Variants in DIP2B observed in about 807,000 individuals in gnomAD.
The protein encoded by DIP2B is disco-interacting protein 2 homolog B.
In DIP2B, 76 loss-of-function variants were observed where a neutral mutation model predicts 198.0. That is an observed-to-expected ratio of 0.38 (90% CI 0.32 to 0.46). The LOEUF is 0.46. Ranked by LOEUF, DIP2B falls within the 20% of genes least tolerant of loss-of-function variation. The probability of loss-of-function intolerance (pLI) is 0.99; values close to 1 mark genes in which losing one functional copy is unlikely to be tolerated. For synonymous variants in DIP2B, 701 were observed against 739.1 expected (o/e 0.95, Z 0.84); for missense variants, 1,559 against 1,978.4 (o/e 0.79, Z 4.02).
intron 1 of DIP2B, among the ~76,000 whole-genome samples, chr12:50,585,639 TAGAC>T (rs772050684): frequency 6.6e-6 from 1 of 152,136 alleles, no homozygotes; most frequent in Non-Finnish European, 1.5e-5. Context: ...GGCTGAGAAG[TAGAC>T]AGGAGTCAGA....
At position 50,706,669 on chromosome 12, in the gene DIP2B, A is replaced by T; in HGVS notation, c.2534+4A>T. ...TAAAGACTGTTTATAGAGGAAGGTGAGTAGTACAAAATTCAAATGTTAGCA... is the reference window on the plus strand; with the variant it reads ...TAAAGACTGTTTATAGAGGAAGGTGTGTAGTACAAAATTCAAATGTTAGCA... On this transcript the variant is annotated splice_donor_region_variant and intron_variant, in intron 21 of 37. Transcript: ENST00000301180. 6.2e-7 allele frequency: 1 copy of T among 1,613,780 alleles called. No homozygotes were observed. Among genetic ancestry groups the T allele is most frequent in the Non-Finnish European group, 8.5e-7 (1 of 1,179,844 alleles).
intron 1 of DIP2B, among the ~76,000 whole-genome samples, chr12:50,541,016 A>T (rs1418134607): frequency 6.6e-6 from 1 of 152,150 alleles, no homozygotes; most frequent in Non-Finnish European, 1.5e-5. Context: ...TCTTCAATGC[A>T]CTTAGTTTTA....
intron 14 of DIP2B, among the ~76,000 whole-genome samples, chr12:50,694,622 C>T (rs1939277304): frequency 6.6e-6 from 1 of 150,858 alleles, no homozygotes; most frequent in South Asian, 2.1e-4. Flanking sequence ...GAATTGGAGG[C>T]CAGCCTGGGC....
intron 1 of DIP2B, among the ~76,000 whole-genome samples, chr12:50,511,926 A>G (rs1472193378): frequency 1.4e-5 from 2 of 143,040 alleles, no homozygotes; most frequent in Non-Finnish European, 3.1e-5. Flanking sequence ...CCAGCCTGGC[A>G]ACAGAGCAAG....
chr12:50,680,652 T>G lies in DIP2B; in HGVS notation c.1115-20T>G, dbSNP rs761259971. The G allele has an allele frequency of 3.7e-6, 6 of 1,607,028 alleles. No homozygotes were observed. The highest frequency in any genetic ancestry group is 1.1e-5 in the South Asian group (1 of 88,902). ...TTTTTTTTTCTATATGACTGTTGTT[T>G]TTTTTTCCTTTTTTTCCAGGAAAGT... On this transcript the variant is annotated intron_variant, in intron 8 of 37. Transcript: ENST00000301180.
At chr12:50,553,371 C>T (rs1958443402) in intron 1 of DIP2B, among the ~76,000 whole-genome samples, 1 of 152,182 alleles carries the variant, frequency 6.6e-6, no homozygotes, top group Non-Finnish European at 1.5e-5. Flanking sequence ...GTTTTGCTGA[C>T]TGTTGTATCC....
At chr12:50,666,335 C>T (rs967161132) in intron 4 of DIP2B, among the ~76,000 whole-genome samples, 5 of 152,142 alleles carry the variant, frequency 3.3e-5, no homozygotes, top group Non-Finnish European at 5.9e-5. Flanking sequence ...TTTTCTACCC[C>T]ATTTTACAGA....
chr12:50,601,937 T>TA (rs1379317662), intron 1 of DIP2B, among the ~76,000 whole-genome samples: 1 of 152,210 alleles, frequency 6.6e-6, no homozygotes, highest in Non-Finnish European at 1.5e-5. Flanking sequence ...CTGGTGTGCA[T>TA]AGTTATTGCT....
chr12:50,717,220 C>T (rs1249260725), intron 23 of DIP2B, among the ~76,000 whole-genome samples: 2 of 151,676 alleles, frequency 1.3e-5, no homozygotes, highest in African/African-American at 2.4e-5. Context: ...GGTAGGATTA[C>T]AGGAGCAAGC....
intron 4 of DIP2B, among the ~76,000 whole-genome samples, chr12:50,663,715 A>T (rs1938696353): frequency 6.6e-6 from 1 of 151,436 alleles, no homozygotes; most frequent in African/African-American, 2.4e-5. Flanking sequence ...ACAAAAAATT[A>T]AAAAGTTAGC....
chr12:50,696,790 T>C (rs1939320432), intron 16 of DIP2B, among the ~76,000 whole-genome samples: 1 of 152,238 alleles, frequency 6.6e-6, no homozygotes, highest in South Asian at 2.1e-4. Context: ...TTATCTCTGA[T>C]ACTGATTTGT....
At chr12:50,607,458 C>T (rs1167866322) in intron 1 of DIP2B, among the ~76,000 whole-genome samples, 1 of 152,146 alleles carries the variant, frequency 6.6e-6, no homozygotes, top group Non-Finnish European at 1.5e-5. Flanking sequence ...TGAAGATAAT[C>T]TCATTACTTA....
chr12:50,678,704 C>T lies in DIP2B; in HGVS notation c.942C>T (p.Pro314=). 1.2e-6 allele frequency: 2 copies of T among 1,614,114 alleles called. No individual in the cohort carries two copies. The highest frequency in any genetic ancestry group is 8.5e-7 in the Non-Finnish European group (1 of 1,180,004). The change falls in exon 8 of 38, where the codon CCC becomes CCT. Residue 314 remains proline (P), a synonymous_variant. Transcript: ENST00000301180. ...TACCTCAGCCAGACCCCAACCAGCC[C>T]AAGCCGGAGGGACGGCAGATGACCC... is the stretch of plus-strand genomic sequence containing the variant. ...VEVPQPDPNQ[P]KPEGRQMTPV...
chr12:50,742,789 G>A (rs191574458), intron 37 of DIP2B, among the ~76,000 whole-genome samples: 30 of 152,132 alleles, frequency 2.0e-4, no homozygotes, highest in Admixed American at 1.4e-3. Flanking sequence ...CTAGCTGCTC[G>A]GGAGGCTGAG....
intron 36 of DIP2B, among the ~76,000 whole-genome samples, chr12:50,740,646 C>G (rs1413631043): frequency 6.6e-6 from 1 of 152,164 alleles, no homozygotes; most frequent in Non-Finnish European, 1.5e-5. Flanking sequence ...CTTTGTTTTG[C>G]TGAATTTTTC....
intron 9 of DIP2B, among the ~76,000 whole-genome samples, chr12:50,682,738 T>A (rs1252896250): frequency 2.6e-5 from 4 of 152,140 alleles, no homozygotes; most frequent in African/African-American, 7.2e-5. Context: ...TAAGGCTTAT[T>A]CTTTAATATG....
chr12:50,530,329 C>G (rs981188983), intron 1 of DIP2B, among the ~76,000 whole-genome samples: 1 of 152,190 alleles, frequency 6.6e-6, no homozygotes, highest in Non-Finnish European at 1.5e-5. Context: ...ATCTGCCCGC[C>G]TCAGCCTCCC....
At chr12:50,648,836 T>A (rs1420133265) in intron 3 of DIP2B, among the ~76,000 whole-genome samples, 2 of 152,112 alleles carry the variant, frequency 1.3e-5, no homozygotes, top group Non-Finnish European at 2.9e-5. Context: ...GAAGTAAAAC[T>A]GTATTTACAG....
intron 1 of DIP2B, among the ~76,000 whole-genome samples, chr12:50,602,929 C>T (rs1412432614): frequency 4.7e-5 from 7 of 149,730 alleles, no homozygotes; most frequent in African/African-American, 7.4e-5. Flanking sequence ...CTTTGGGAGG[C>T]CGAGGTGGGC....
Sources: allele counts gnomAD v4.1 joint callset (sites outside exome capture counted in the v4.1 genomes callset), GRCh38; gene constraint gnomAD v4.1.1; transcripts MANE v1.5; gene names NCBI Gene and HGNC (gene_info 2026-07-23, HGNC 2026-07-21).